TBC1D8: variants seen among roughly 807,000 people sequenced by gnomAD.
TBC1D8 encodes the protein BUB2-like protein 1.
Under a neutral mutation model 118.8 loss-of-function variants are expected in TBC1D8, and 65 were observed. That is an observed-to-expected ratio of 0.55 (90% CI 0.45 to 0.67). TBC1D8 has a LOEUF of 0.67. TBC1D8 is among the 30% of genes least tolerant of loss of function. TBC1D8 has a pLI of 0.00. For missense variants in TBC1D8, 1,376 were observed against 1,471.2 expected, an observed-to-expected ratio of 0.94 and a Z score of 1.06; for synonymous variants, 566 against 595.8, an observed-to-expected ratio of 0.95 and a Z score of 0.73.
chr2:101,110,816 CA>C (rs949765077), intron 1 of TBC1D8, among the ~76,000 whole-genome samples: 8 of 151,244 alleles, frequency 5.3e-5, no homozygotes, highest in Admixed American at 6.6e-5. Flanking sequence ...ACAAAAAATA[CA>C]AAAAAAATTA....
intron 5 of TBC1D8, among the ~76,000 whole-genome samples, chr2:101,040,869 C>T (rs2105400596): frequency 6.6e-6 from 1 of 152,394 alleles, no homozygotes; most frequent in East Asian, 1.9e-4. Context: ...ATCCCACATT[C>T]TAACTGCATG....
chr2:101,058,564 G>C (rs970768576), intron 3 of TBC1D8, among the ~76,000 whole-genome samples: 1 of 152,070 alleles, frequency 6.6e-6, no homozygotes, highest in Admixed American at 6.6e-5. Context: ...TTGCAGTGAG[G>C]CCAGTTATAT....
intron 4 of TBC1D8, among the ~76,000 whole-genome samples, chr2:101,051,136 A>G (rs1682046771): frequency 6.6e-6 from 1 of 152,098 alleles, no homozygotes; most frequent in Non-Finnish European, 1.5e-5. Flanking sequence ...CATGTGCCAC[A>G]TTTTCTTTAT....
chr2:101,087,122 T>C (rs1333023522), intron 2 of TBC1D8, among the ~76,000 whole-genome samples: 2 of 152,102 alleles, frequency 1.3e-5, no homozygotes, highest in African/African-American at 2.4e-5. Context: ...CTAATTTGTA[T>C]TGGGCTGCAT....
chr2:101,039,875 G>C (rs1681271476), intron 6 of TBC1D8, among the ~76,000 whole-genome samples: 2 of 151,990 alleles, frequency 1.3e-5, no homozygotes, highest in South Asian at 2.1e-4. Flanking sequence ...TTAATTGCTA[G>C]GTATGTACTT....
At chr2:101,068,714 C>A in intron 2 of TBC1D8, 1 of 312,992 alleles carries the variant, frequency 3.2e-6, no homozygotes, top group Non-Finnish European at 5.8e-6. Context: ...TTAACAATAA[C>A]TTGGCTGTAT....
intron 4 of TBC1D8, among the ~76,000 whole-genome samples, chr2:101,051,650 C>T (rs181377963): frequency 4.2e-4 from 63 of 151,776 alleles, no homozygotes; most frequent in Middle Eastern, 6.8e-3. Flanking sequence ...CCAAAGGACA[C>T]GAACAGACAC....
chr2:101,138,533 C>G (rs955998256), intron 1 of TBC1D8, among the ~76,000 whole-genome samples: 1 of 152,178 alleles, frequency 6.6e-6, no homozygotes, highest in Non-Finnish European at 1.5e-5. Flanking sequence ...GCACTTCCGA[C>G]CAACCAGCTA....
chr2:101,009,184 G>C (rs1187082124), intron 19 of TBC1D8, among the ~76,000 whole-genome samples: 1 of 152,128 alleles, frequency 6.6e-6, no homozygotes, highest in Non-Finnish European at 1.5e-5. Context: ...ACGAGGTCAG[G>C]AGATTGAGAC....
intron 2 of TBC1D8, among the ~76,000 whole-genome samples, chr2:101,081,318 G>A (rs527671374): frequency 7.2e-5 from 11 of 152,280 alleles, no homozygotes; most frequent in African/African-American, 2.2e-4. Flanking sequence ...GTGGTCTCCT[G>A]ACCCTCCCCT....
chr2:101,142,447 A>T (rs1373717344), intron 1 of TBC1D8, among the ~76,000 whole-genome samples: 9 of 152,122 alleles, frequency 5.9e-5, no homozygotes, highest in African/African-American at 2.2e-4. Flanking sequence ...AGAAATGTAT[A>T]CCTGTGTGAA....
intron 12 of TBC1D8, among the ~76,000 whole-genome samples, chr2:101,029,011 C>A (rs80351740): frequency 0.053 from 8,088 of 152,282 alleles, 720 homozygotes; most frequent in African/African-American, 0.18. Flanking sequence ...GGGACAATGG[C>A]ACCCTTCACC....
At chr2:101,026,297 G>C (rs1237970585) in intron 15 of TBC1D8, among the ~76,000 whole-genome samples, 1 of 152,156 alleles carries the variant, frequency 6.6e-6, no homozygotes, top group African/African-American at 2.4e-5. Flanking sequence ...TTCCTTGAAA[G>C]CCAAAATGAG....
intron 2 of TBC1D8, among the ~76,000 whole-genome samples, chr2:101,072,610 AT>A (rs1419926050): frequency 1.3e-5 from 2 of 152,126 alleles, no homozygotes; most frequent in African/African-American, 4.8e-5. Context: ...ATCATCAGGC[AT>A]TGGTTAGATT....
chr2:101,011,366 CAAG>C lies in TBC1D8; in HGVS notation c.2917+82_2917+84del, dbSNP rs1679196529. 2.3e-6 allele frequency: 3 copies of C among 1,321,942 alleles called. No individual in the cohort carries two copies. In the Admixed American group the frequency reaches 5.2e-5, roughly 23 times the overall value. The allele number at this position is 1,321,942 out of a possible 1,614,324, so 81.9% of individuals were successfully genotyped here. ...ACGAAGGGAAAAGACAAGGCTGCTA[CAAG>C]AAGAGGGATGAGGGCAACCCCGGTG... is the stretch of plus-strand genomic sequence containing the variant. On this transcript the variant is annotated intron_variant, in intron 18 of 19. Coordinates refer to ENST00000409318, the MANE Select transcript of TBC1D8 (RefSeq NM_001330348.2).
At chr2:101,067,567 G>A (rs1391117588) in intron 2 of TBC1D8, among the ~76,000 whole-genome samples, 1 of 152,158 alleles carries the variant, frequency 6.6e-6, no homozygotes, top group Middle Eastern at 3.2e-3. Context: ...AAAGCATTAC[G>A]TCTTCTAAAA....
At chr2:101,069,858 C>T (rs189851734) in intron 2 of TBC1D8, among the ~76,000 whole-genome samples, 107 of 151,276 alleles carry the variant, frequency 7.1e-4, no homozygotes, top group African/African-American at 2.6e-3. Flanking sequence ...TTCAGTTTTA[C>T]AGATAACATT....
At chr2:101,082,343 T>C (rs1377645946) in intron 2 of TBC1D8, among the ~76,000 whole-genome samples, 1 of 152,114 alleles carries the variant, frequency 6.6e-6, no homozygotes, top group Non-Finnish European at 1.5e-5. Flanking sequence ...TGAAGTCTCC[T>C]TGTTCATCCA....
intron 2 of TBC1D8, among the ~76,000 whole-genome samples, chr2:101,064,539 C>T (rs1324595365): frequency 2.6e-5 from 4 of 152,174 alleles, no homozygotes; most frequent in Admixed American, 1.3e-4. Flanking sequence ...AGTGAAACTA[C>T]GCCTGTCTTA....
Sources: allele counts gnomAD v4.1 joint callset (sites outside exome capture counted in the v4.1 genomes callset), GRCh38; gene constraint gnomAD v4.1.1; transcripts MANE v1.5; gene names NCBI Gene and HGNC (gene_info 2026-07-23, HGNC 2026-07-21).